The following TP53BP2 variants were observed in gnomAD, a reference collection of about 807,000 sequenced individuals.
TP53BP2 encodes apoptosis-stimulating of p53 protein 2.
In TP53BP2, 62 loss-of-function variants were observed where a neutral mutation model predicts 126.2. The ratio of observed to expected loss-of-function variants is 0.49; its 90% CI spans 0.40 to 0.61. The LOEUF (loss-of-function observed/expected upper bound fraction) is 0.61. Among genes scored for constraint, TP53BP2 ranks in the 20% least tolerant of loss-of-function variants. TP53BP2 has a pLI of 0.00. For missense variants in TP53BP2, 1,215 were observed against 1,402.8 expected (o/e 0.87, Z 2.14); for synonymous variants, 485 against 502.9 (o/e 0.96, Z 0.48).
At chr1:223,784,368 C>T in intron 16 of TP53BP2, 54 bp from the exon 17 acceptor site, 1 of 1,553,046 alleles carries the variant, frequency 6.4e-7, no homozygotes, top group Non-Finnish European at 8.9e-7. Context: ...GAGTATACCA[C>T]TCTACAACTT....
chr1:223,817,323 G>A (rs1425941759), intron 2 of TP53BP2, among the ~76,000 whole-genome samples: 1 of 22,978 alleles, frequency 4.4e-5, no homozygotes, highest in Non-Finnish European at 7.5e-5. Context: ...GAGGGGGAGG[G>A]AAAGGAGGAG....
chr1:223,804,214 T>C lies in TP53BP2; in HGVS notation c.609A>G (p.Lys203=). 1 of 1,614,058 alleles carries C rather than the reference T, an allele frequency of 6.2e-7. No individual in the cohort carries two copies. Reference sequence around the variant, plus strand: ...TTAGTCTCTTCTGTTCCACGTGGCCTTTAAGTGCTCTCACTTTTTTTAGCT... The same window carrying C: ...TTAGTCTCTTCTGTTCCACGTGGCCCTTAAGTGCTCTCACTTTTTTTAGCT... ...EAKLKKVRAL[K]GHVEQKRLSN... is the part of the protein sequence containing the mutation. Residue 203 remains lysine, a synonymous_variant, in exon 6 of 18, where the codon AAA becomes AAG. Transcript: ENST00000343537.
At chr1:223,784,401 G>A in intron 16 of TP53BP2, 87 bp from the exon 17 acceptor site, 1 of 1,204,756 alleles carries the variant, frequency 8.3e-7, no homozygotes, top group Non-Finnish European at 1.2e-6. Context: ...AACAAAATGG[G>A]AAGAAACAGG....
At chr1:223,806,031 A>AT (rs1662703185) in intron 5 of TP53BP2, among the ~76,000 whole-genome samples, 1 of 152,082 alleles carries the variant, frequency 6.6e-6, no homozygotes, top group Non-Finnish European at 1.5e-5. Context: ...GTGGCTTCTT[A>AT]TATTTTCCTT....
rs1253327540 is a variant in TP53BP2, at chr1:223,784,199, G to T, written c.3279C>A (p.Ile1093=). ...PMKEGDCMTI[I]HREDEDEIEW... is the part of the protein sequence containing the mutation. ...CGATTTCATCTTCGTCTTCCCTGTG[G>T]ATGATTGTCATGCAGTCTCCTTCTT... Residue 1093 remains isoleucine (I), a synonymous_variant, in exon 17 of 18, where the codon ATC becomes ATA. Transcript: ENST00000343537. 6.2e-7 allele frequency: 1 copy of T among 1,614,134 alleles called. No homozygotes were observed.
chr1:223,817,043 C>T (rs1238108735), intron 2 of TP53BP2, among the ~76,000 whole-genome samples: 1 of 150,954 alleles, frequency 6.6e-6, no homozygotes, highest in Admixed American at 6.6e-5. Context: ...TCCTATAGTC[C>T]CAACTACTCA....
chr1:223,817,945 T>TA (rs1663147602), intron 2 of TP53BP2, among the ~76,000 whole-genome samples: 1 of 148,520 alleles, frequency 6.7e-6, no homozygotes, highest in Non-Finnish European at 1.5e-5. Flanking sequence ...AAAAAAAAGA[T>TA]ACAGATTTAC....
In TP53BP2 at chr1:223,799,964, C is replaced by T. The variant is rs145289884; in HGVS notation, c.1420G>A (p.Ala474Thr). The change falls in exon 11 of 18, where the codon GCC becomes ACC. Residue 474 changes from alanine to threonine, a missense_variant. Physicochemically the swap from Ala to Thr is moderately conservative, Grantham distance 58 (BLOSUM62 0). This residue lies in a region of TP53BP2 where 814 missense variants were observed against 853.0 expected (regional missense o/e 0.95). Transcript: ENST00000343537. ...CTCAGAGTACCAAAGGAAGGTGGGG[C>T]ATTGGACTGGTCTACTGCATCAAAC... Reference protein sequence around the residue: ...SMFDAVDQSNAPPSFGTLRKN... With the variant: ...SMFDAVDQSNTPPSFGTLRKN... The T allele has an allele frequency of 5.0e-6, 8 of 1,613,420 alleles. No homozygotes were observed. The African/African-American group carries it at 1.1e-4, about 22-fold the overall frequency.
chr1:223,829,159 CTG>C (rs1342764594), intron 1 of TP53BP2, among the ~76,000 whole-genome samples: 1 of 152,058 alleles, frequency 6.6e-6, no homozygotes, highest in Non-Finnish European at 1.5e-5. Context: ...TGGCAAAACC[CTG>C]TCTCTACAAA....
At chr1:223,837,163 G>GGGGGGC (rs1553264323) in intron 1 of TP53BP2, among the ~76,000 whole-genome samples, 1 of 124,818 alleles carries the variant, frequency 8.0e-6, no homozygotes, top group Non-Finnish European at 1.7e-5. Context: ...AAAGGGGGGG[G>GGGGGGC]GCGGGGGGTC....
chr1:223,812,642 C>T (rs1209246166), intron 3 of TP53BP2, among the ~76,000 whole-genome samples: 1 of 152,128 alleles, frequency 6.6e-6, no homozygotes, highest in Admixed American at 6.5e-5. Flanking sequence ...TCACTGCAAC[C>T]GCCAACTCCC....
chr1:223,815,470 T>C (rs1663053073), intron 2 of TP53BP2, among the ~76,000 whole-genome samples: 1 of 152,012 alleles, frequency 6.6e-6, no homozygotes, highest in Non-Finnish European at 1.5e-5. Context: ...CCCTACAAAA[T>C]ACACACACAC....
At position 223,779,893 on chromosome 1, in the gene TP53BP2, T is replaced by C. The variant is rs1014176782; in HGVS notation, c.*960A>G. ...AGGTAAAATGTAAAGTAGGCTTCTA[T>C]CACCATGATCTCTACAGTATTTTAT... On this transcript the variant is annotated 3_prime_UTR_variant, in exon 18 of 18. Transcript: ENST00000343537. 4 of 152,234 alleles carry C rather than the reference T, an allele frequency of 2.6e-5. No homozygotes were observed. The highest frequency in any genetic ancestry group is 9.6e-5 in the African/African-American group (4 of 41,458). The allele number at this position is 152,234 out of a possible 1,614,324, so 9.4% of individuals were successfully genotyped here.
intron 1 of TP53BP2, among the ~76,000 whole-genome samples, chr1:223,829,987 T>C (rs1371604321): frequency 6.6e-6 from 1 of 152,082 alleles, no homozygotes; most frequent in African/African-American, 2.4e-5. Flanking sequence ...AAGACATTCA[T>C]CAATAAACAA....
intron 1 of TP53BP2, among the ~76,000 whole-genome samples, chr1:223,825,420 G>C: frequency 6.6e-6 from 1 of 152,156 alleles, no homozygotes; most frequent in East Asian, 1.9e-4. Context: ...ACCACACGGT[G>C]CCAAGTGTGT....
intron 1 of TP53BP2, among the ~76,000 whole-genome samples, chr1:223,826,986 T>C (rs1663519380): frequency 6.6e-6 from 1 of 152,126 alleles, no homozygotes; most frequent in Non-Finnish European, 1.5e-5. Flanking sequence ...AGAGTGACTC[T>C]GGATCTGCTA....
At chr1:223,786,601 T>C (rs1485999211) in intron 16 of TP53BP2, among the ~76,000 whole-genome samples, 1 of 150,230 alleles carries the variant, frequency 6.7e-6, no homozygotes, top group Non-Finnish European at 1.5e-5. Flanking sequence ...TGTGTGTGTG[T>C]GTGTGTATAT....
intron 1 of TP53BP2, chr1:223,834,682 TA>T: frequency 3.6e-6 from 1 of 279,866 alleles, no homozygotes; most frequent in Non-Finnish European, 5.4e-6. Context: ...ATGAGGAATC[TA>T]AAATAGCCAC....
At chr1:223,839,804 G>A (rs1354173923) in intron 1 of TP53BP2, among the ~76,000 whole-genome samples, 4 of 152,068 alleles carry the variant, frequency 2.6e-5, no homozygotes, top group African/African-American at 7.2e-5. Context: ...GTGTGGTGGC[G>A]CACTCCTGTA....
Sources: gnomAD v4.1 joint callset for allele counts (sites outside exome capture counted in the v4.1 genomes callset) on GRCh38, gnomAD v4.1.1 for gene constraint, gnomAD v4.1.1 regional missense constraint, MANE v1.5 for transcripts, NCBI Gene and HGNC (gene_info 2026-07-23, HGNC 2026-07-21) for gene names.